FYN: variants seen among roughly 807,000 people sequenced by gnomAD.
FYN encodes the protein FYN proto-oncogene, Src family tyrosine kinase, also known as tyrosine-protein kinase Fyn.
FYN carries 10 observed loss-of-function variants against 70.2 expected under a neutral mutation model. The ratio of observed to expected loss-of-function variants is 0.14; its 90% CI spans 0.09 to 0.24. FYN has a LOEUF of 0.24. Ranked by LOEUF, FYN falls within the 10% of genes least tolerant of loss-of-function variation. The pLI, the probability that FYN is intolerant of heterozygous loss-of-function variation, is 1.00. For synonymous variants in FYN, 236 were observed against 248.6 expected, an observed-to-expected ratio of 0.95 and a Z score of 0.48; for missense variants, 319 against 673.1, an observed-to-expected ratio of 0.47 and a Z score of 5.82.
intron 12 of FYN, among the ~76,000 whole-genome samples, chr6:111,677,842 C>T (rs1798600660): frequency 6.6e-6 from 1 of 152,154 alleles, no homozygotes; most frequent in Non-Finnish European, 1.5e-5. Flanking sequence ...AGCTGATTCA[C>T]ACTTTGAAAT....
In FYN at chr6:111,716,841, GT is replaced by G. The variant is rs543545659; in HGVS notation, c.248-2399del. Among the ~76,000 whole-genome samples, 23 of 149,602 alleles carry G rather than the reference GT, an allele frequency of 1.5e-4. No homozygotes were observed. In the South Asian group the frequency reaches 4.9e-3, roughly 32 times the overall value. On this transcript the variant is annotated intron_variant, in intron 4 of 13. Transcript: ENST00000354650. ...CTCTTGTCGCCCAGGCTGGAGTGCA[GT>G]GGCATAATCTCAGCTCACTGCAACC... is the stretch of plus-strand genomic sequence containing the variant.
At chr6:111,769,729 T>TA (rs890322664) in intron 3 of FYN, among the ~76,000 whole-genome samples, 17 of 150,186 alleles carry the variant, frequency 1.1e-4, no homozygotes, top group East Asian at 3.9e-4. Flanking sequence ...AAGAATGAAT[T>TA]AAAAAAAAAC....
intron 3 of FYN, among the ~76,000 whole-genome samples, chr6:111,733,032 G>A (rs1039062399): frequency 2.0e-5 from 3 of 152,110 alleles, no homozygotes; most frequent in Admixed American, 6.6e-5. Context: ...AGCAACACAC[G>A]GAGGAAGTGA....
chr6:111,716,824 G>A (rs143914722), intron 4 of FYN, among the ~76,000 whole-genome samples: 5,626 of 144,056 alleles, frequency 0.039, 157 homozygotes, highest in East Asian at 0.14. Context: ...CACTCTTGTC[G>A]CCCAGGCTGG....
At chr6:111,665,580 A>T (rs1797957613) in intron 13 of FYN, among the ~76,000 whole-genome samples, 1 of 152,056 alleles carries the variant, frequency 6.6e-6, no homozygotes, top group South Asian at 2.1e-4. Context: ...GAGTGTCTTG[A>T]GAGACATGGG....
At position 111,719,995 on chromosome 6, in the gene FYN, G is replaced by A. The variant is rs147662775; in HGVS notation, c.57C>T (p.Asp19=). The A allele has an allele frequency of 1.1e-4, 174 of 1,613,272 alleles. No individual in the cohort carries two copies. The highest frequency in any genetic ancestry group is 1.3e-4 in the Admixed American group (8 of 59,990). ...KEATKLTEER[D]GSLNQSSGYR... ...ACCCAGAGCTCTGGTTCAGGCTGCC[G>A]TCCCTCTCCTCCGTCAGTTTTGTTG... The change falls in exon 4 of 14, where the codon GAC becomes GAT. Residue 19 remains aspartate (D), a synonymous_variant. Coordinates refer to ENST00000354650, the MANE Select transcript of FYN (RefSeq NM_002037.5).
At chr6:111,848,193 C>G (rs1773586034) in intron 1 of FYN, among the ~76,000 whole-genome samples, 1 of 152,180 alleles carries the variant, frequency 6.6e-6, no homozygotes, top group Non-Finnish European at 1.5e-5. Flanking sequence ...TGCAGAGGCT[C>G]AGAAAAGTTG....
intron 3 of FYN, among the ~76,000 whole-genome samples, chr6:111,731,798 A>G (rs1343990189): frequency 6.6e-6 from 1 of 152,204 alleles, no homozygotes; most frequent in Non-Finnish European, 1.5e-5. Context: ...TATTGCCTGA[A>G]GGAAAGGAGG....
intron 13 of FYN, among the ~76,000 whole-genome samples, chr6:111,662,851 T>C (rs191276522): frequency 3.4e-4 from 52 of 152,320 alleles, no homozygotes; most frequent in African/African-American, 1.1e-3. Flanking sequence ...ATAGACCATG[T>C]CCGGGGCCTA....
chr6:111,714,823 C>T (rs1800548729), intron 4 of FYN, among the ~76,000 whole-genome samples: 1 of 152,218 alleles, frequency 6.6e-6, no homozygotes, highest in Non-Finnish European at 1.5e-5. Flanking sequence ...GTATCTTCTC[C>T]TCCACTTGGA....
chr6:111,733,993 G>A (rs562120200), intron 3 of FYN, among the ~76,000 whole-genome samples: 7 of 152,242 alleles, frequency 4.6e-5, no homozygotes, highest in African/African-American at 1.7e-4. Flanking sequence ...GGGCTGGGGC[G>A]GGAGGATCAC....
chr6:111,860,624 GTTTT>G (rs1400807869), intron 1 of FYN, among the ~76,000 whole-genome samples: 7 of 152,204 alleles, frequency 4.6e-5, no homozygotes, highest in African/African-American at 1.7e-4. Context: ...TAGGGTTGCA[GTTTT>G]TTAAGTGCCA....
intron 12 of FYN, among the ~76,000 whole-genome samples, chr6:111,684,429 G>A (rs1798905979): frequency 6.6e-6 from 1 of 152,168 alleles, no homozygotes; most frequent in African/African-American, 2.4e-5. Flanking sequence ...ATTGAACCCA[G>A]GACAACTAGA....
At chr6:111,697,995 C>T (rs898476542) in intron 9 of FYN, among the ~76,000 whole-genome samples, 1 of 152,170 alleles carries the variant, frequency 6.6e-6, no homozygotes, top group Non-Finnish European at 1.5e-5. Context: ...ATTTATTAAA[C>T]TAGCTAACTC....
chr6:111,688,623 G>A (rs1259201882), intron 12 of FYN, among the ~76,000 whole-genome samples: 6 of 151,384 alleles, frequency 4.0e-5, no homozygotes, highest in African/African-American at 7.3e-5. Flanking sequence ...CCGTGCCCAC[G>A]CAGCGTGTGT....
chr6:111,723,329 G>A (rs1801041634), intron 3 of FYN, among the ~76,000 whole-genome samples: 1 of 151,902 alleles, frequency 6.6e-6, no homozygotes, highest in Non-Finnish European at 1.5e-5. Context: ...CCAGAACAGT[G>A]CCTGGCACAC....
At chr6:111,869,575 G>A (rs1000268214) in intron 1 of FYN, among the ~76,000 whole-genome samples, 3 of 152,056 alleles carry the variant, frequency 2.0e-5, no homozygotes, top group Admixed American at 1.3e-4. Context: ...AAGATTTTTC[G>A]TGGAGACGAG....
At chr6:111,825,793 C>T (rs1303888209) in intron 2 of FYN, among the ~76,000 whole-genome samples, 1 of 151,872 alleles carries the variant, frequency 6.6e-6, no homozygotes, top group South Asian at 2.1e-4. Context: ...AGGGCTGTAA[C>T]GTGTGAGGAA....
chr6:111,779,585 A>G (rs1010841953), intron 3 of FYN, among the ~76,000 whole-genome samples: 9 of 152,192 alleles, frequency 5.9e-5, no homozygotes, highest in African/African-American at 2.2e-4. Flanking sequence ...TTATTTAGCC[A>G]AGCTTGTCTA....
Sources: allele counts gnomAD v4.1 joint callset (sites outside exome capture counted in the v4.1 genomes callset), GRCh38; gene constraint gnomAD v4.1.1; transcripts MANE v1.5; gene names NCBI Gene and HGNC (gene_info 2026-07-23, HGNC 2026-07-21).